KIF6: variants seen among roughly 807,000 people sequenced by gnomAD.
The protein encoded by KIF6 is kinesin-like protein KIF6.
Under a neutral mutation model 112.7 loss-of-function variants are expected in KIF6, and 106 were observed. The ratio of observed to expected loss-of-function variants is 0.94; its 90% CI spans 0.80 to 1.11. The LOEUF (loss-of-function observed/expected upper bound fraction) is 1.11, where lower values mean the gene tolerates loss of function less well. KIF6 is among the 50% of genes least tolerant of loss of function. The pLI, the probability that KIF6 is intolerant of heterozygous loss-of-function variation, is 0.00. For synonymous variants in KIF6, 339 were observed against 339.9 expected (o/e 1.00, Z 0.03); for missense variants, 929 against 964.0 (o/e 0.96, Z 0.48).
chr6:39,380,167 TATC>T (rs1766798605), intron 16 of KIF6, among the ~76,000 whole-genome samples: 1 of 152,248 alleles, frequency 6.6e-6, no homozygotes, highest in African/African-American at 2.4e-5. Context: ...GTTAAGTTAG[TATC>T]ATTTCCAACT....
intron 16 of KIF6, among the ~76,000 whole-genome samples, chr6:39,363,595 C>T (rs138294318): frequency 2.9e-4 from 44 of 152,280 alleles, no homozygotes; most frequent in Non-Finnish European, 5.7e-4. Flanking sequence ...TTCGTGGTTG[C>T]CCTGCTTTTC....
At chr6:39,672,069 C>T (rs905186344) in intron 3 of KIF6, among the ~76,000 whole-genome samples, 32 of 152,316 alleles carry the variant, frequency 2.1e-4, no homozygotes, top group Admixed American at 2.0e-3. Flanking sequence ...AATTACCTTA[C>T]ATGTTTAATA....
At chr6:39,440,801 G>T (rs1419220693) in intron 13 of KIF6, among the ~76,000 whole-genome samples, 1 of 152,196 alleles carries the variant, frequency 6.6e-6, no homozygotes, top group Non-Finnish European at 1.5e-5. Context: ...AAGGTCAGGG[G>T]GAAGGTCAGT....
At chr6:39,457,669 T>A (rs1367538066) in intron 13 of KIF6, among the ~76,000 whole-genome samples, 4 of 151,746 alleles carry the variant, frequency 2.6e-5, no homozygotes, top group Non-Finnish European at 5.9e-5. Flanking sequence ...ATAGACACGA[T>A]AAAAAATGAT....
chr6:39,552,950 G>A (rs1779469494), intron 10 of KIF6, among the ~76,000 whole-genome samples: 1 of 152,170 alleles, frequency 6.6e-6, no homozygotes. Flanking sequence ...GCTGAAGGCT[G>A]AGATTGTGCC....
chr6:39,635,343 A>G (rs929390165), intron 4 of KIF6, among the ~76,000 whole-genome samples: 2 of 152,152 alleles, frequency 1.3e-5, no homozygotes, highest in Non-Finnish European at 2.9e-5. Context: ...ATTCATAAAA[A>G]AGAACACAGA....
At chr6:39,721,481 C>T (rs1369153467) in intron 1 of KIF6, among the ~76,000 whole-genome samples, 1 of 152,172 alleles carries the variant, frequency 6.6e-6, no homozygotes, top group Non-Finnish European at 1.5e-5. Context: ...TTAACCAACA[C>T]CCTTAGGACT....
chr6:39,660,601 A>C (rs1033898878), intron 3 of KIF6, among the ~76,000 whole-genome samples: 3 of 152,298 alleles, frequency 2.0e-5, no homozygotes, highest in African/African-American at 7.2e-5. Context: ...CATCCAAAAC[A>C]GTCTTTCAAA....
At chr6:39,636,471 A>C (rs1784628440) in intron 4 of KIF6, among the ~76,000 whole-genome samples, 1 of 152,024 alleles carries the variant, frequency 6.6e-6, no homozygotes, top group Non-Finnish European at 1.5e-5. Context: ...CCTATTGATT[A>C]CATTAGTATC....
chr6:39,687,274 T>C (rs1468268977), intron 3 of KIF6, among the ~76,000 whole-genome samples: 1 of 152,154 alleles, frequency 6.6e-6, no homozygotes, highest in African/African-American at 2.4e-5. Flanking sequence ...ACTACATCAG[T>C]TCTGGGAACC....
At chr6:39,508,422 G>A (rs1409606740) in intron 13 of KIF6, among the ~76,000 whole-genome samples, 1 of 152,228 alleles carries the variant, frequency 6.6e-6, no homozygotes, top group Non-Finnish European at 1.5e-5. Context: ...CCTCACCTGG[G>A]AAGTGCAAGG....
chr6:39,503,709 T>C (rs1364567823), intron 13 of KIF6, among the ~76,000 whole-genome samples: 3 of 151,872 alleles, frequency 2.0e-5, no homozygotes, highest in Admixed American at 1.3e-4. Context: ...TCTATGGACA[T>C]AAACTGGAAA....
At chr6:39,359,211 C>T (rs1247739141) in intron 18 of KIF6, among the ~76,000 whole-genome samples, 1 of 152,114 alleles carries the variant, frequency 6.6e-6, no homozygotes, top group Non-Finnish European at 1.5e-5. Flanking sequence ...AAGCATTCTG[C>T]CAGCCAGAAA....
At chr6:39,641,098 C>T (rs1784873723) in intron 3 of KIF6, among the ~76,000 whole-genome samples, 1 of 152,056 alleles carries the variant, frequency 6.6e-6, no homozygotes, top group Admixed American at 6.6e-5. Flanking sequence ...GAATCTTTTT[C>T]CTCAACAGAA....
intron 14 of KIF6, among the ~76,000 whole-genome samples, chr6:39,428,163 G>A (rs1417380080): frequency 6.6e-6 from 1 of 152,186 alleles, no homozygotes; most frequent in Non-Finnish European, 1.5e-5. Context: ...AGATGCTCAG[G>A]TTGCACCTAA....
Position 39,465,091 on chromosome 6 carries a change from G to A in KIF6, c.1646-33930C>T, listed in dbSNP as rs78111246. ...TTATGGCACCACCAGATGTCCGTGC[G>A]TTTCTCATTTCCAGAATAGGGCATG... On this transcript the variant is annotated intron_variant, in intron 13 of 22. Transcript: ENST00000287152. Among the ~76,000 whole-genome samples the A allele has an allele frequency of 5.7e-3, 875 of 152,264 alleles. 10 individuals carry two copies. The highest frequency in any genetic ancestry group is 0.02 in the African/African-American group (814 of 41,566).
At position 39,672,025 on chromosome 6, in the gene KIF6, T is replaced by C. The variant is rs188307878; in HGVS notation, c.252-32268A>G. 2.0e-5 allele frequency among the ~76,000 whole-genome samples: 3 copies of C among 152,368 alleles called. No individual in the cohort carries two copies. In the East Asian group the frequency reaches 5.8e-4, roughly 29 times the overall value. ...GGTTCCCACCTGGTACCCTAAGCTG[T>C]TGCCAACCCTGAACTGGAAATAAGC... On this transcript the variant is annotated intron_variant, in intron 3 of 22. Coordinates refer to ENST00000287152, the MANE Select transcript of KIF6 (RefSeq NM_145027.6).
At chr6:39,490,180 G>T (rs1183709532) in intron 13 of KIF6, among the ~76,000 whole-genome samples, 1 of 152,204 alleles carries the variant, frequency 6.6e-6, no homozygotes, top group African/African-American at 2.4e-5. Context: ...CTCCATGTCT[G>T]TGCTCTCTAA....
chr6:39,437,726 C>T (rs187134739), intron 13 of KIF6, among the ~76,000 whole-genome samples: 1 of 152,258 alleles, frequency 6.6e-6, no homozygotes, highest in Admixed American at 6.5e-5. Context: ...TACAGTCCTG[C>T]CCCACATAAA....
Sources: gnomAD v4.1 joint callset for allele counts (sites outside exome capture counted in the v4.1 genomes callset) on GRCh38, gnomAD v4.1.1 for gene constraint, MANE v1.5 for transcripts, NCBI Gene and HGNC (gene_info 2026-07-23, HGNC 2026-07-21) for gene names.